TNRC18: variants seen among roughly 807,000 people sequenced by gnomAD.
The protein encoded by TNRC18 is trinucleotide repeat-containing gene 18 protein.
Under a neutral mutation model 226.7 loss-of-function variants are expected in TNRC18, and 69 were observed. The ratio of observed to expected loss-of-function variants is 0.30; its 90% confidence interval spans 0.25 to 0.37. The LOEUF is 0.37. Among genes scored for constraint, TNRC18 ranks in the 10% least tolerant of loss-of-function variants. The pLI is 1.00. For synonymous variants in TNRC18, 2,449 were observed against 1,927.6 expected (o/e 1.27, Z -7.09); for missense variants, 4,754 against 4,256.6 (o/e 1.12, Z -3.25).
At chr7:5,413,939 G>A (rs1034173402) in intron 2 of TNRC18, among the ~76,000 whole-genome samples, 1 of 152,110 alleles carries the variant, frequency 6.6e-6, no homozygotes, top group Non-Finnish European at 1.5e-5. Context: ...CAACAACTGT[G>A]AACTGCTCTC....
Position 5,394,425 on chromosome 7 carries a change from C to T in TNRC18, c.343+15G>A, listed in dbSNP as rs572404700. The T allele has an allele frequency of 4.9e-5, 74 of 1,520,138 alleles. No individual in the cohort carries two copies. The highest frequency in any genetic ancestry group is 1.5e-4 in the East Asian group (6 of 38,982). The allele number at this position is 1,520,138 out of a possible 1,614,324, so 94.2% of individuals were successfully genotyped here. Reference sequence around the variant, plus strand: ...GCCCAGCAGCCCTCAGCCCCGACCCCGGCATGTTCCTTACCTTCATGGGCG... The same window carrying T: ...GCCCAGCAGCCCTCAGCCCCGACCCTGGCATGTTCCTTACCTTCATGGGCG... On this transcript the variant is annotated intron_variant, in intron 3 of 29. Transcript: ENST00000430969. This position sits in a 1 kb window ranked among gnomAD's most constrained non-coding sequence, Gnocchi z 4.5.
intron 19 of TNRC18, among the ~76,000 whole-genome samples, chr7:5,331,534 A>G (rs1789519899): frequency 6.6e-6 from 1 of 152,350 alleles, no homozygotes; most frequent in African/African-American, 2.4e-5. Context: ...AGCGCCGGTG[A>G]AACCACAGAG....
At chr7:5,358,853 G>A (rs1483521791) in intron 15 of TNRC18, among the ~76,000 whole-genome samples, 1 of 152,090 alleles carries the variant, frequency 6.6e-6, no homozygotes, top group African/African-American at 2.4e-5. Flanking sequence ...CTTTGCACTG[G>A]ACTTTATGGG....
chr7:5,327,995 G>A lies in TNRC18; in HGVS notation c.6148-2747C>T, dbSNP rs150976704. On this transcript the variant is annotated intron_variant, in intron 19 of 29. Coordinates refer to ENST00000430969, the MANE Select transcript of TNRC18 (RefSeq NM_001080495.3). ...CCAGCACTTCGGGAAGCCAAGGCAGGCGGATCACTTGAGGCCAGGAGTTCG... is the reference window on the plus strand; with the variant it reads ...CCAGCACTTCGGGAAGCCAAGGCAGACGGATCACTTGAGGCCAGGAGTTCG... Among the ~76,000 whole-genome samples the A allele has an allele frequency of 3.9e-3, 600 of 152,232 alleles. 5 individuals are homozygous for A. Among genetic ancestry groups the A allele is most frequent in the African/African-American group, 0.014 (573 of 41,540 alleles).
intron 25 of TNRC18, 143 bp downstream of exon 25, chr7:5,315,813 G>A (rs1787791658): frequency 8.5e-6 from 5 of 589,526 alleles, no homozygotes; most frequent in South Asian, 4.9e-5. Context: ...GAGATCTCAC[G>A]GGAGCCCACC....
chr7:5,417,976 C>T (rs911322784), intron 2 of TNRC18, among the ~76,000 whole-genome samples: 3 of 152,162 alleles, frequency 2.0e-5, no homozygotes, highest in African/African-American at 7.2e-5. Context: ...CAAGCCCCTC[C>T]CTTGTTAGCC....
At chr7:5,311,188 A>C (rs1033167209) in intron 27 of TNRC18, among the ~76,000 whole-genome samples, 87 of 133,772 alleles carry the variant, frequency 6.5e-4, no homozygotes, top group African/African-American at 2.4e-3. Context: ...ACATGTGCAC[A>C]CATATGTGCG....
intron 24 of TNRC18, among the ~76,000 whole-genome samples, chr7:5,318,388 T>C (rs993551564): frequency 2.0e-5 from 3 of 152,004 alleles, no homozygotes; most frequent in Non-Finnish European, 4.4e-5. Context: ...AAGATAAAAG[T>C]AGAGAAAATC....
intron 10 of TNRC18, among the ~76,000 whole-genome samples, chr7:5,372,131 G>C (rs891232443): frequency 6.6e-6 from 1 of 151,390 alleles, no homozygotes; most frequent in East Asian, 1.9e-4. Flanking sequence ...GCAGTGGCGC[G>C]ATCGCGGCTC....
chr7:5,381,708 G>A (rs1779409378), intron 5 of TNRC18, among the ~76,000 whole-genome samples: 1 of 152,222 alleles, frequency 6.6e-6, no homozygotes, highest in South Asian at 2.1e-4. Flanking sequence ...ACTCACGCCT[G>A]TAATCCCAGC....
chr7:5,380,848 G>A (rs1199257210), intron 5 of TNRC18, among the ~76,000 whole-genome samples: 1 of 152,154 alleles, frequency 6.6e-6, no homozygotes, highest in Non-Finnish European at 1.5e-5. Context: ...CTTCTCCCAG[G>A]GGAGACAGCC....
chr7:5,359,849 C>G (rs71529399), intron 14 of TNRC18, among the ~76,000 whole-genome samples: 1 of 152,152 alleles, frequency 6.6e-6, no homozygotes. Flanking sequence ...ACACACATCT[C>G]TGTGCGGTCA....
In TNRC18 at chr7:5,370,779, T is replaced by C. The variant is rs1417686346; in HGVS notation, c.3815A>G (p.Glu1272Gly). 5.6e-6 allele frequency: 9 copies of C among 1,603,692 alleles called. No individual in the cohort carries two copies. Among genetic ancestry groups the C allele is most frequent in the Non-Finnish European group, 7.7e-6 (9 of 1,176,068 alleles). Residue 1272 changes from glutamate to glycine, a missense_variant, in exon 11 of 30, where the codon GAG (glutamate) becomes GGG (glycine). Coordinates refer to ENST00000430969, the MANE Select transcript of TNRC18 (RefSeq NM_001080495.3). ...CGCCAGGCCTTCCTCGGGCACTGCC[T>C]CCACCACGGGCACCGCCACAGGCAC... ...VEVPVAVPVVEAVPEEGLAQV... is the reference protein window; with the variant it reads ...VEVPVAVPVVGAVPEEGLAQV...
intron 5 of TNRC18, 41 bp from the exon 6 acceptor site, chr7:5,378,065 G>A (rs371865152): frequency 5.8e-5 from 91 of 1,566,450 alleles, no homozygotes; most frequent in Admixed American, 4.4e-4. Context: ...AGCCAGCACC[G>A]AGCCCATCCC....
intron 2 of TNRC18, among the ~76,000 whole-genome samples, chr7:5,417,979 T>G (rs1396252403): frequency 6.6e-6 from 1 of 152,006 alleles, no homozygotes; most frequent in Non-Finnish European, 1.5e-5. Context: ...GCCCCTCCCT[T>G]GTTAGCCAAG....
chr7:5,403,665 A>G (rs11768368), intron 2 of TNRC18, among the ~76,000 whole-genome samples: 45,982 of 151,754 alleles, frequency 0.3, 7,329 homozygotes, highest in South Asian at 0.34. Flanking sequence ...AGTGGTGTAC[A>G]CCTGTAGTCC....
intron 16 of TNRC18, among the ~76,000 whole-genome samples, chr7:5,352,300 G>A (rs186534196): frequency 3.0e-4 from 46 of 152,262 alleles, no homozygotes; most frequent in Middle Eastern, 6.8e-3. Flanking sequence ...TGGGTGCCTC[G>A]GTCATTGCAT....
chr7:5,308,282 C>T lies in TNRC18; in HGVS notation c.8731G>A (p.Glu2911Lys), dbSNP rs1383389317. Residue 2911 changes from glutamate (E) to lysine (K), a missense_variant, in exon 30 of 30, where the codon GAA becomes AAA. Coordinates refer to ENST00000430969, the MANE Select transcript of TNRC18 (RefSeq NM_001080495.3). Reference protein sequence around the residue: ...RALYQSSHVDENDVQTVSHKC... With the variant: ...RALYQSSHVDKNDVQTVSHKC... ...TGCGACACCGTCTGCACGTCATTTTCGTCCACATGCGAGGACTGGTATAGC... is the reference window on the plus strand; with the variant it reads ...TGCGACACCGTCTGCACGTCATTTTTGTCCACATGCGAGGACTGGTATAGC... 5 of 1,612,710 alleles carry T rather than the reference C, an allele frequency of 3.1e-6. No homozygotes were observed. The highest frequency in any genetic ancestry group is 1.1e-5 in the South Asian group (1 of 90,812).
At chr7:5,385,192 A>C (rs1051432499) in intron 5 of TNRC18, among the ~76,000 whole-genome samples, 1 of 152,200 alleles carries the variant, frequency 6.6e-6, no homozygotes, top group Non-Finnish European at 1.5e-5. Context: ...GGTGGTGGGA[A>C]AGTGACACAG....
Sources: allele counts gnomAD v4.1 joint callset (sites outside exome capture counted in the v4.1 genomes callset), GRCh38; gene constraint gnomAD v4.1.1; non-coding constraint Gnocchi (gnomAD v3.1); transcripts MANE v1.5; gene names NCBI Gene and HGNC (gene_info 2026-07-23, HGNC 2026-07-21).